The following SPATA12 variants were observed in gnomAD, a reference collection of about 807,000 sequenced individuals.
The protein encoded by SPATA12 is spermatogenesis associated 12, also known as spermatogenesis-associated protein 12.
For missense variants in SPATA12, 219 were observed against 226.4 expected (o/e 0.97, Z 0.21); for synonymous variants, 85 against 89.2 (o/e 0.95, Z 0.26).
rs1706038570 is a variant in SPATA12, at chr3:57,073,352, A to G, written c.-329-14A>G. 1 of 229,674 alleles carries G rather than the reference A, an allele frequency of 4.4e-6. No homozygotes were observed. Among genetic ancestry groups the G allele is most frequent in the Non-Finnish European group, 8.5e-6 (1 of 117,712 alleles). 14.2% of individuals were successfully genotyped at this position (229,674 alleles called of 1,614,324 possible). ...AATAAGAATATAATCAGGATTTCTT[A>G]TTTATGTTTCTAGCCAAAAGGGAAG... is the stretch of plus-strand genomic sequence containing the variant. On this transcript the variant is annotated splice_polypyrimidine_tract_variant and intron_variant, in intron 1 of 1. Transcript: ENST00000334325.
chr3:57,073,952 A>G lies in SPATA12; in HGVS notation c.258A>G (p.Leu86=). 1 of 1,614,204 alleles carries G rather than the reference A, an allele frequency of 6.2e-7. No homozygotes were observed. The highest frequency in any genetic ancestry group is 1.1e-5 in the South Asian group (1 of 91,078). ...AAAGTGAGACCTGTCAGAGATATTT[A>G]CAAGCAGCCATCTCTCTTGACATCG... ...VCQSETCQRY[L]QAAISLDIAV... is the part of the protein sequence containing the mutation. Residue 86 remains leucine (L), a synonymous_variant, in exon 2 of 2, where the codon TTA becomes TTG. Coordinates refer to ENST00000334325, the MANE Select transcript of SPATA12 (RefSeq NM_181727.2).
At chr3:57,067,693 G>T (rs1348451412) in intron 1 of SPATA12, among the ~76,000 whole-genome samples, 2 of 150,058 alleles carry the variant, frequency 1.3e-5, no homozygotes, top group African/African-American at 4.9e-5. Flanking sequence ...AAAATTAGCC[G>T]GCGTGAGACC....
intron 1 of SPATA12, among the ~76,000 whole-genome samples, chr3:57,062,484 A>G (rs6445848): frequency 0.83 from 126,328 of 152,134 alleles, 52,521 homozygotes; most frequent in East Asian, 0.92. Context: ...GAGCATGGGG[A>G]AGCCTTTCAG....
chr3:57,064,235 G>A (rs1259500615), intron 1 of SPATA12, among the ~76,000 whole-genome samples: 1 of 152,300 alleles, frequency 6.6e-6, no homozygotes, highest in East Asian at 1.9e-4. Context: ...TGCCACTGCA[G>A]CAATCAGTGA....
At chr3:57,070,145 G>C (rs940942351) in intron 1 of SPATA12, among the ~76,000 whole-genome samples, 2 of 152,140 alleles carry the variant, frequency 1.3e-5, no homozygotes, top group Non-Finnish European at 2.9e-5. Context: ...ATCACCACCT[G>C]GTGCCTCCAG....
chr3:57,072,477 A>G (rs1705964884), intron 1 of SPATA12, among the ~76,000 whole-genome samples: 1 of 151,812 alleles, frequency 6.6e-6, no homozygotes, highest in African/African-American at 2.4e-5. Context: ...GCGGTGGCTC[A>G]TGTCCGTAAT....
chr3:57,068,865 G>C (rs1273585184), intron 1 of SPATA12, among the ~76,000 whole-genome samples: 2 of 151,552 alleles, frequency 1.3e-5, no homozygotes, highest in African/African-American at 4.9e-5. Flanking sequence ...AAATCCCTAT[G>C]AACTGCCGGT....
intron 1 of SPATA12, among the ~76,000 whole-genome samples, chr3:57,072,321 G>A (rs1705953024): frequency 6.6e-6 from 1 of 152,030 alleles, no homozygotes; most frequent in South Asian, 2.1e-4. Context: ...TCTTCCCTGA[G>A]GAATGGAAGA....
chr3:57,065,470 A>C (rs1047362001), intron 1 of SPATA12, among the ~76,000 whole-genome samples: 2 of 152,272 alleles, frequency 1.3e-5, no homozygotes, highest in East Asian at 3.9e-4. Flanking sequence ...CAAAACAAAA[A>C]AAAAAGAAAT....
chr3:57,063,886 G>A (rs899193336), intron 1 of SPATA12, among the ~76,000 whole-genome samples: 3 of 152,166 alleles, frequency 2.0e-5, no homozygotes, highest in Admixed American at 6.5e-5. Context: ...GACAAAAGGT[G>A]GAAGCAACTC....
At chr3:57,062,238 G>A (rs962267149) in intron 1 of SPATA12, among the ~76,000 whole-genome samples, 1 of 152,234 alleles carries the variant, frequency 6.6e-6, no homozygotes, top group African/African-American at 2.4e-5. Context: ...CTCTGGGCCT[G>A]TCCTCACTGC....
chr3:57,074,169 G>C lies in SPATA12; in HGVS notation c.475G>C (p.Gly159Arg), dbSNP rs1449519319. The C allele has an allele frequency of 6.2e-7, 1 of 1,614,188 alleles. No homozygotes were observed. The highest frequency in any genetic ancestry group is 2.2e-5 in the East Asian group (1 of 44,878). The change falls in exon 2 of 2, where the codon GGG (glycine) becomes CGG (arginine). Residue 159 changes from glycine to arginine, a missense_variant. Coordinates refer to ENST00000334325, the MANE Select transcript of SPATA12 (RefSeq NM_181727.2). ...EDIDAEPSST[G>R]CSRSNQLTFT... The stretch of plus-strand genomic sequence containing the variant: ...TATAGATGCCGAGCCCAGTAGCACA[G>C]GGTGCAGCCGTTCAAACCAACTGAC...
Position 57,074,549 on chromosome 3 carries a change from T to C in SPATA12, c.*282T>C. The C allele has an allele frequency of 2.5e-6, 1 of 406,088 alleles. No individual in the cohort carries two copies. The highest frequency in any genetic ancestry group is 4.6e-6 in the Non-Finnish European group (1 of 216,816). The allele number at this position is 406,088 out of a possible 1,614,324, so 25.2% of individuals were successfully genotyped here. A position where few individuals can be genotyped will look rare whatever the true frequency, so the allele number is the denominator to read the frequency against. On this transcript the variant is annotated 3_prime_UTR_variant, in exon 2 of 2. Transcript: ENST00000334325. Reference sequence around the variant, plus strand: ...CCCGGGGAACCTTCACTGTATTAAATGACATCAATTGATCAATCAATCGAT... The same window carrying C: ...CCCGGGGAACCTTCACTGTATTAAACGACATCAATTGATCAATCAATCGAT...
chr3:57,065,007 A>G (rs1410963625), intron 1 of SPATA12, among the ~76,000 whole-genome samples: 1 of 152,264 alleles, frequency 6.6e-6, no homozygotes, highest in Non-Finnish European at 1.5e-5. Context: ...ATTATTTCAA[A>G]AAGTTTTGCT....
chr3:57,070,146 G>A (rs529548841), intron 1 of SPATA12, among the ~76,000 whole-genome samples: 1 of 152,236 alleles, frequency 6.6e-6, no homozygotes, highest in African/African-American at 2.4e-5. Flanking sequence ...TCACCACCTG[G>A]TGCCTCCAGG....
chr3:57,068,606 CT>C (rs1445936584), intron 1 of SPATA12, among the ~76,000 whole-genome samples: 1 of 152,162 alleles, frequency 6.6e-6, no homozygotes, highest in Non-Finnish European at 1.5e-5. Flanking sequence ...CTGCACAGGG[CT>C]TTTATAAAAC....
chr3:57,073,682 T>C lies in SPATA12; in HGVS notation c.-13T>C, dbSNP rs766412067. 1 of 1,600,664 alleles carries C rather than the reference T, an allele frequency of 6.2e-7. No homozygotes were observed. The highest frequency in any genetic ancestry group is 1.1e-5 in the South Asian group (1 of 89,296). ...CTCCTTTTCTGGAGAATTCTGTTTT[T>C]GACTTGGGCCCCATGTCCAGTTCTG... On this transcript the variant is annotated 5_prime_UTR_variant, in exon 2 of 2. The change abolishes the stop of an existing upstream ORF in the 5' untranslated region. Transcript: ENST00000334325.
Position 57,067,785 on chromosome 3 carries a change from T to C in SPATA12, c.-329-5581T>C, listed in dbSNP as rs185548241. ...TCATGAGGTCAGGAGATCGAGACCA[T>C]TGGCTAACACGGTGAAACCCCGTCT... On this transcript the variant is annotated intron_variant, in intron 1 of 1. Coordinates refer to ENST00000334325, the MANE Select transcript of SPATA12 (RefSeq NM_181727.2). 6.2e-3 allele frequency among the ~76,000 whole-genome samples: 919 copies of C among 149,278 alleles called. 9 individuals are homozygous for C. The highest frequency in any genetic ancestry group is 9.5e-3 in the Non-Finnish European group (637 of 67,356).
rs147675971 is a variant in SPATA12 at position 57,069,376 on chromosome 3, A to AACACACACACAC, written c.-329-3966_-329-3955dup. Among the ~76,000 whole-genome samples, 489 of 146,458 alleles carry AACACACACACAC rather than the reference A, an allele frequency of 3.3e-3. 3 individuals carry two copies. The highest frequency in any genetic ancestry group is 0.011 in the African/African-American group (444 of 39,730). ...AAATAACTCTAATCTCTGTCTCTCA[A>AACACACACACAC]ACACACACACACACACACACACACA... On this transcript the variant is annotated intron_variant, in intron 1 of 1. Transcript: ENST00000334325.
Sources: allele counts gnomAD v4.1 joint callset (sites outside exome capture counted in the v4.1 genomes callset), GRCh38; gene constraint gnomAD v4.1.1; transcripts MANE v1.5; gene names NCBI Gene and HGNC (gene_info 2026-07-23, HGNC 2026-07-21).